Variants in LRRK1 observed in about 807,000 individuals in gnomAD.
LRRK1 encodes the protein leucine rich repeat kinase 1.
LRRK1 carries 113 observed loss-of-function variants against 209.1 expected under a neutral mutation model. The ratio of observed to expected loss-of-function variants is 0.54; its 90% CI spans 0.46 to 0.63. LRRK1 has a LOEUF of 0.63. Among genes scored for constraint, LRRK1 ranks in the 30% least tolerant of loss-of-function variants. The probability of loss-of-function intolerance (pLI) is 0.00; values close to 1 mark genes in which losing one functional copy is unlikely to be tolerated. For missense variants in LRRK1, 2,284 were observed against 2,632.2 expected, an observed-to-expected ratio of 0.87 and a Z score of 2.89; for synonymous variants, 1,144 against 1,099.7, an observed-to-expected ratio of 1.04 and a Z score of -0.80.
At position 101,051,974 on chromosome 15, in the gene LRRK1, G is replaced by A. The variant is rs1036818257; in HGVS notation, c.3689+14G>A. The A allele has an allele frequency of 1.2e-6, 2 of 1,610,402 alleles. No individual in the cohort carries two copies. Among genetic ancestry groups the A allele is most frequent in the Non-Finnish European group, 1.7e-6 (2 of 1,178,108 alleles). On this transcript the variant is annotated intron_variant, in intron 24 of 33. Coordinates refer to ENST00000388948, the MANE Select transcript of LRRK1 (RefSeq NM_024652.6). Reference sequence around the variant, plus strand: ...CTTCCCGGCCAGGTATGCCCCGAAGGCCCCTCCCAGAACACAGTGCAGGTC... The same window carrying A: ...CTTCCCGGCCAGGTATGCCCCGAAGACCCCTCCCAGAACACAGTGCAGGTC...
chr15:101,021,129 A>C lies in LRRK1; in HGVS notation c.1686A>C (p.Thr562=). 1 of 1,614,162 alleles carries C rather than the reference A, an allele frequency of 6.2e-7. No homozygotes were observed. ...GCCTGAACGACAACCACCTCGACACAGTCCCTCCCTCGGTTTGCCTACTGA... is the reference window on the plus strand; with the variant it reads ...GCCTGAACGACAACCACCTCGACACCGTCCCTCCCTCGGTTTGCCTACTGA... The part of the protein sequence containing the change: ...VLCLNDNHLD[T]VPPSVCLLKS... Residue 562 remains threonine (T), a synonymous_variant, in exon 13 of 34, where the codon ACA becomes ACC. Transcript: ENST00000388948.
chr15:100,971,859 C>T (rs1390880094), intron 2 of LRRK1, among the ~76,000 whole-genome samples: 1 of 152,170 alleles, frequency 6.6e-6, no homozygotes, highest in Non-Finnish European at 1.5e-5. Flanking sequence ...AAATTTTTAG[C>T]TCCCACAAAT....
At chr15:101,057,949 G>A (rs144687581) in intron 28 of LRRK1, 41 bp from the exon 29 acceptor site, 11 of 1,610,142 alleles carry the variant, frequency 6.8e-6, no homozygotes, top group South Asian at 1.1e-5. Context: ...CAATCCGGTT[G>A]TAAGTGACCT....
At chr15:100,984,391 G>A (rs1448730258) in intron 4 of LRRK1, among the ~76,000 whole-genome samples, 3 of 152,166 alleles carry the variant, frequency 2.0e-5, no homozygotes, top group African/African-American at 4.8e-5. Flanking sequence ...TTGACAAATG[G>A]ATAATGACAC....
chr15:100,981,565 T>A (rs2031601848), intron 3 of LRRK1, among the ~76,000 whole-genome samples: 1 of 152,138 alleles, frequency 6.6e-6, no homozygotes, highest in Non-Finnish European at 1.5e-5. Flanking sequence ...TTCCTCCAAG[T>A]CCCATGTTTC....
chr15:101,012,931 G>A (rs914274488), intron 10 of LRRK1, among the ~76,000 whole-genome samples: 12 of 152,142 alleles, frequency 7.9e-5, no homozygotes, highest in Middle Eastern at 3.4e-3. Flanking sequence ...CATACTCCTC[G>A]CAGGGTACTC....
chr15:101,051,644 G>A, intron 23 of LRRK1, 67 bp from the exon 24 acceptor site: 6 of 1,446,878 alleles, frequency 4.1e-6, no homozygotes, highest in South Asian at 1.3e-5. Context: ...GGGGTGCAGA[G>A]TGCTGCTCGG....
chr15:101,028,251 C>G (rs555099412), intron 19 of LRRK1, among the ~76,000 whole-genome samples: 36 of 152,230 alleles, frequency 2.4e-4, no homozygotes, highest in Non-Finnish European at 5.0e-4. Flanking sequence ...AGTACAGAAC[C>G]TTGTTTTATG....
intron 30 of LRRK1, among the ~76,000 whole-genome samples, chr15:101,062,194 T>C (rs970394313): frequency 1.3e-5 from 2 of 152,246 alleles, no homozygotes; most frequent in Non-Finnish European, 2.9e-5. Flanking sequence ...GCAAGGGCTC[T>C]GCCTAAAGCA....
chr15:100,960,088 G>T (rs2042846146), intron 2 of LRRK1, among the ~76,000 whole-genome samples: 1 of 152,118 alleles, frequency 6.6e-6, no homozygotes, highest in African/African-American at 2.4e-5. Context: ...CTGGAAAATA[G>T]AGAAAAGGGT....
In LRRK1 at chr15:101,061,170, G is replaced by A; in HGVS notation, c.4680-1G>A. ...GACAGCACAGTTTCTGCCACTTACA[G>A]GAACTACACGGTGGTGAACACAGAG... On this transcript the variant is annotated splice_acceptor_variant, in intron 29 of 33. Coordinates refer to ENST00000388948, the MANE Select transcript of LRRK1 (RefSeq NM_024652.6). LOFTEE classifies it high-confidence loss of function. 1 of 1,455,186 alleles carries A rather than the reference G, an allele frequency of 6.9e-7. No homozygotes were observed. Among genetic ancestry groups the A allele is most frequent in the South Asian group, 1.2e-5 (1 of 84,148 alleles). 90.1% of individuals were successfully genotyped at this position (1,455,186 alleles called of 1,614,324 possible).
chr15:101,007,027 G>A (rs1161451142), intron 6 of LRRK1, among the ~76,000 whole-genome samples: 2 of 152,342 alleles, frequency 1.3e-5, no homozygotes, highest in East Asian at 3.9e-4. Context: ...CAGACAGAGC[G>A]ACAGAGTCCC....
chr15:101,047,686 CCAGCCCGGGGCACGGAG>C lies in LRRK1; in HGVS notation c.3136-806_3136-790del, dbSNP rs138177258. Among the ~76,000 whole-genome samples the C allele has an allele frequency of 6.4e-3, 970 of 152,332 alleles. 14 individuals carry two copies. The highest frequency in any genetic ancestry group is 0.023 in the African/African-American group (936 of 41,562). ...TTAGCAAAAAGCTGAGCCGTAATCC[CCAGCCCGGGGCACGGAG>C]CGGCCCCGCGCACACTGGTAGTCAG... On this transcript the variant is annotated intron_variant, in intron 21 of 33. Coordinates refer to ENST00000388948, the MANE Select transcript of LRRK1 (RefSeq NM_024652.6).
In LRRK1 at chr15:100,973,829, G is replaced by C; in HGVS notation, c.123G>C (p.Pro41=). 1.5e-6 allele frequency: 2 copies of C among 1,293,236 alleles called. No individual in the cohort carries two copies. 80.1% of individuals were successfully genotyped at this position (1,293,236 alleles called of 1,614,324 possible). Reference sequence around the variant, plus strand: ...GTGCCGGGGACACGGGCGGCAAGCCGTCCACGCGGGGCGGTGACCCTGCAG... The same window carrying C: ...GTGCCGGGGACACGGGCGGCAAGCCCTCCACGCGGGGCGGTGACCCTGCAG... ...LNGAGDTGGK[P]STRGGDPAAR... is the part of the protein sequence containing the mutation. The change falls in exon 3 of 34, where the codon CCG becomes CCC. Residue 41 remains proline (P), a synonymous_variant. Transcript: ENST00000388948.
chr15:101,029,634 G>T (rs2034195915), intron 20 of LRRK1, among the ~76,000 whole-genome samples: 1 of 152,080 alleles, frequency 6.6e-6, no homozygotes, highest in Admixed American at 6.5e-5. Context: ...TTGGGAGGCC[G>T]AGGTGGCCAG....
chr15:101,061,010 C>A (rs1323675750), intron 29 of LRRK1, among the ~76,000 whole-genome samples, 161 bp from the exon 30 acceptor site: 2 of 152,244 alleles, frequency 1.3e-5, no homozygotes, highest in Non-Finnish European at 2.9e-5. Flanking sequence ...TCAAGCATTA[C>A]CCTTCGGGCA....
At position 100,940,333 on chromosome 15, in the gene LRRK1, A is replaced by T. The variant is rs140654646; in HGVS notation, c.97+15604A>T. ...AGTATCCTGTCACTTCTGAGGACTC[A>T]TATTTTTGCAACTTGAAAATTATTC... On this transcript the variant is annotated intron_variant, in intron 2 of 33. Transcript: ENST00000388948. 1.2e-3 allele frequency among the ~76,000 whole-genome samples: 184 copies of T among 152,228 alleles called. 2 individuals carry two copies. In the East Asian group the frequency reaches 0.019, roughly 16 times the overall value.
intron 1 of LRRK1, among the ~76,000 whole-genome samples, chr15:100,920,608 C>G (rs939243425): frequency 5.3e-5 from 8 of 152,104 alleles, no homozygotes; most frequent in Non-Finnish European, 7.4e-5. Flanking sequence ...TCTGTTGAAT[C>G]TATGTCTAAA....
intron 2 of LRRK1, among the ~76,000 whole-genome samples, chr15:100,927,473 GAC>G (rs1028437191): frequency 6.6e-6 from 1 of 152,084 alleles, no homozygotes; most frequent in Admixed American, 6.6e-5. Context: ...TAACCCAAGG[GAC>G]ACACACAAGG....
Sources: gnomAD v4.1 joint callset for allele counts (sites outside exome capture counted in the v4.1 genomes callset) on GRCh38, gnomAD v4.1.1 for gene constraint, MANE v1.5 for transcripts, NCBI Gene and HGNC (gene_info 2026-07-23, HGNC 2026-07-21) for gene names.